RCL1: variants seen among roughly 807,000 people sequenced by gnomAD.
RCL1 encodes RNA 3'-terminal phosphate cyclase-like protein.
In RCL1, 24 loss-of-function variants were observed where a neutral mutation model predicts 42.4. That is an observed-to-expected ratio of 0.57 (90% CI 0.41 to 0.80). The LOEUF (loss-of-function observed/expected upper bound fraction) is 0.80. Among genes scored for constraint, RCL1 ranks in the 30% least tolerant of loss-of-function variants. The pLI is 0.00. For missense variants in RCL1, 578 were observed against 467.9 expected (o/e 1.24, Z -2.17); for synonymous variants, 228 against 177.3 (o/e 1.29, Z -2.27).
intron 1 of RCL1, among the ~76,000 whole-genome samples, chr9:4,820,230 G>A (rs1234448348): frequency 1.3e-5 from 2 of 152,222 alleles, no homozygotes; most frequent in Non-Finnish European, 2.9e-5. Context: ...AGAGGAGTCA[G>A]CAGGGTGTGT....
chr9:4,834,400 A>AC, intron 5 of RCL1, 135 bp downstream of exon 5: 1 of 910,404 alleles, frequency 1.1e-6, no homozygotes, highest in Non-Finnish European at 1.6e-6. Context: ...CTTAACAGTG[A>AC]AATTGTAATT....
chr9:4,799,575 T>A (rs929088958), intron 1 of RCL1, among the ~76,000 whole-genome samples: 1 of 152,230 alleles, frequency 6.6e-6, no homozygotes, highest in Non-Finnish European at 1.5e-5. Flanking sequence ...TCCTTAACCC[T>A]TGTCAGTCTC....
chr9:4,833,010 C>T (rs1418108681), intron 3 of RCL1, 144 bp from the exon 4 acceptor site: 4 of 606,998 alleles, frequency 6.6e-6, no homozygotes, highest in African/African-American at 1.8e-5. Flanking sequence ...CAGAGCCAGC[C>T]CACTCGCTCA....
chr9:4,843,210 T>G (rs1048942248), intron 6 of RCL1, among the ~76,000 whole-genome samples: 1 of 152,240 alleles, frequency 6.6e-6, no homozygotes, highest in African/African-American at 2.4e-5. Context: ...ATTTCTCTCT[T>G]CTGATTCAGT....
intron 1 of RCL1, among the ~76,000 whole-genome samples, chr9:4,802,167 C>A (rs1201657938): frequency 6.7e-6 from 1 of 150,200 alleles, no homozygotes; most frequent in Non-Finnish European, 1.5e-5. Context: ...CCAAGTAATC[C>A]ACCCGCCTTG....
intron 1 of RCL1, among the ~76,000 whole-genome samples, chr9:4,811,876 T>C (rs1816189368): frequency 6.6e-6 from 1 of 152,226 alleles, no homozygotes; most frequent in African/African-American, 2.4e-5. Flanking sequence ...TTTTGTCTTT[T>C]TAATAATTGC....
intron 5 of RCL1, among the ~76,000 whole-genome samples, chr9:4,837,376 C>CT (rs1465476441): frequency 1.3e-5 from 2 of 152,112 alleles, no homozygotes; most frequent in African/African-American, 4.8e-5. Context: ...TAGGAATACA[C>CT]TTTCCAATAC....
chr9:4,848,234 C>G (rs1215349702), intron 7 of RCL1, among the ~76,000 whole-genome samples: 1 of 152,180 alleles, frequency 6.6e-6, no homozygotes, highest in Non-Finnish European at 1.5e-5. Flanking sequence ...TCTCCTTGTC[C>G]TAGAATTTGC....
At chr9:4,854,767 C>T (rs1025743589) in intron 8 of RCL1, among the ~76,000 whole-genome samples, 2 of 151,902 alleles carry the variant, frequency 1.3e-5, no homozygotes, top group Non-Finnish European at 2.9e-5. Flanking sequence ...TTTGAAAATA[C>T]ATAGGAAGGC....
At position 4,802,485 on chromosome 9, in the gene RCL1, T is replaced by G. The variant is rs537625473; in HGVS notation, c.136+9258T>G. Among the ~76,000 whole-genome samples the G allele has an allele frequency of 5.9e-5, 9 of 152,344 alleles. No individual in the cohort carries two copies. In the East Asian group the frequency reaches 1.5e-3, roughly 26 times the overall value. ...TTGAGGTTTTAATCCATGAACATGA[T>G]CTGTCTCTCTACTTACTTAAATCTG... On this transcript the variant is annotated intron_variant, in intron 1 of 8. Transcript: ENST00000381750.
At chr9:4,841,151 A>G (rs1817303617) in intron 5 of RCL1, 81 bp from the exon 6 acceptor site, 3 of 1,539,486 alleles carry the variant, frequency 1.9e-6, no homozygotes, top group African/African-American at 1.4e-5. Flanking sequence ...CTACAGTTCC[A>G]CAAATACTTG....
At chr9:4,833,458 C>T (rs1008577673) in intron 4 of RCL1, among the ~76,000 whole-genome samples, 16 of 152,136 alleles carry the variant, frequency 1.1e-4, no homozygotes, top group Non-Finnish European at 2.4e-4. Flanking sequence ...CGGTGGGGGC[C>T]GTTCTAAGCA....
intron 6 of RCL1, among the ~76,000 whole-genome samples, chr9:4,842,227 C>G (rs1395745981): frequency 6.6e-6 from 1 of 152,116 alleles, no homozygotes; most frequent in African/African-American, 2.4e-5. Context: ...ATATTAGAGT[C>G]TGGGGTTAAC....
At chr9:4,837,425 T>C (rs2129648801) in intron 5 of RCL1, among the ~76,000 whole-genome samples, 1 of 152,274 alleles carries the variant, frequency 6.6e-6, no homozygotes, top group South Asian at 2.1e-4. Context: ...TCAGTACTAT[T>C]TTGGGTTTGT....
At chr9:4,850,415 T>C in intron 8 of RCL1, 1 of 490,272 alleles carries the variant, frequency 2.0e-6, no homozygotes, top group Non-Finnish European at 4.4e-6. Context: ...GCGGTGGGGC[T>C]ATGCACCCTT....
intron 1 of RCL1, among the ~76,000 whole-genome samples, chr9:4,797,429 G>A (rs931056437): frequency 2.0e-5 from 3 of 152,114 alleles, no homozygotes; most frequent in Non-Finnish European, 4.4e-5. Context: ...TTGTTTCCAC[G>A]TATTTCTATG....
chr9:4,797,343 G>T (rs958111983), intron 1 of RCL1, among the ~76,000 whole-genome samples: 8 of 152,160 alleles, frequency 5.3e-5, no homozygotes, highest in Admixed American at 2.0e-4. Context: ...TGCCAAATCC[G>T]TTCCTGCTTC....
At chr9:4,819,742 G>A (rs1333094044) in intron 1 of RCL1, among the ~76,000 whole-genome samples, 1 of 152,236 alleles carries the variant, frequency 6.6e-6, no homozygotes, top group Non-Finnish European at 1.5e-5. Flanking sequence ...GGGAGGCGGA[G>A]GTTGCAGTGA....
intron 2 of RCL1, among the ~76,000 whole-genome samples, chr9:4,825,860 A>G (rs141632330): frequency 2.6e-5 from 4 of 152,050 alleles, no homozygotes; most frequent in African/African-American, 9.7e-5. Context: ...CATGTCTGTA[A>G]TCCCAGCACT....
Sources: allele counts gnomAD v4.1 joint callset (sites outside exome capture counted in the v4.1 genomes callset), GRCh38; gene constraint gnomAD v4.1.1; transcripts MANE v1.5; gene names NCBI Gene and HGNC (gene_info 2026-07-23, HGNC 2026-07-21).